TMEM131: variants seen among roughly 807,000 people sequenced by gnomAD.
TMEM131 encodes the protein 2610524E03Rik.
A neutral mutation model predicts 211.6 loss-of-function variants in TMEM131; 66 were observed. The observed-to-expected ratio is 0.31, with a 90% confidence interval of 0.26 to 0.38. The LOEUF (loss-of-function observed/expected upper bound fraction) is 0.38. Ranked by LOEUF, TMEM131 falls within the 10% of genes least tolerant of loss-of-function variation. The pLI is 1.00. For synonymous variants in TMEM131, 844 were observed against 841.3 expected, an observed-to-expected ratio of 1.00 and a Z score of -0.06; for missense variants, 2,036 against 2,299.3, an observed-to-expected ratio of 0.89 and a Z score of 2.34.
chr2:97,829,485 T>C (rs1229752690), intron 11 of TMEM131, among the ~76,000 whole-genome samples: 1 of 152,164 alleles, frequency 6.6e-6, no homozygotes, highest in Non-Finnish European at 1.5e-5. Flanking sequence ...TAAAGGATTG[T>C]AAATGCAACA....
In TMEM131 at chr2:97,811,186, G is replaced by T; in HGVS notation, c.1910C>A (p.Thr637Asn). Residue 637 changes from threonine (T) to asparagine (N), a missense_variant, in exon 18 of 41, where the codon ACT (threonine) becomes AAT (asparagine). Physicochemically the swap from Thr to Asn is moderately conservative, Grantham distance 65. Transcript: ENST00000186436. ...GYFAVFRVKLTAKKLEGIHDG... is the reference protein window; with the variant it reads ...GYFAVFRVKLNAKKLEGIHDG... ...ATGAATCCCCTCTAATTTTTTTGCA[G>T]TAAGTTTGACTCTGAAGACTGCAAA... is the stretch of plus-strand genomic sequence containing the variant. 1.2e-6 allele frequency: 2 copies of T among 1,613,676 alleles called. No individual in the cohort carries two copies. The highest frequency in any genetic ancestry group is 3.3e-4 in the Middle Eastern group (2 of 6,060).
At chr2:97,939,834 T>G (rs1032396069) in intron 1 of TMEM131, among the ~76,000 whole-genome samples, 2 of 152,180 alleles carry the variant, frequency 1.3e-5, no homozygotes, top group Non-Finnish European at 2.9e-5. Context: ...AAGATCAAGT[T>G]GGCTTCATCC....
intron 5 of TMEM131, among the ~76,000 whole-genome samples, chr2:97,851,969 C>A (rs1673642307): frequency 6.6e-6 from 1 of 152,118 alleles, no homozygotes; most frequent in South Asian, 2.1e-4. Context: ...ATGCTCAAAG[C>A]CAAGAGAGGC....
rs182365879 is a variant in TMEM131, at chr2:97,949,586, G to A, written c.188-22099C>T. Among the ~76,000 whole-genome samples, 16 of 151,972 alleles carry A rather than the reference G, an allele frequency of 1.1e-4. No homozygotes were observed. In the East Asian group the frequency reaches 1.2e-3, roughly 11 times the overall value. The stretch of plus-strand genomic sequence containing the variant: ...TCCCAGCACTTTGGGAGGCCGAGGC[G>A]GGTGGATCACAAGGTCAGGAGATCG... On this transcript the variant is annotated intron_variant, in intron 1 of 40. Coordinates refer to ENST00000186436, the MANE Select transcript of TMEM131 (RefSeq NM_015348.2).
intron 7 of TMEM131, among the ~76,000 whole-genome samples, chr2:97,840,722 A>G (rs754943192): frequency 5.9e-5 from 9 of 152,228 alleles, no homozygotes; most frequent in Non-Finnish European, 1.2e-4. Flanking sequence ...GATGGTGAGG[A>G]TAAGAGGGAA....
intron 19 of TMEM131, among the ~76,000 whole-genome samples, chr2:97,806,372 G>A (rs890185177): frequency 6.6e-6 from 1 of 152,074 alleles, no homozygotes; most frequent in African/African-American, 2.4e-5. Context: ...CCCTGTTCCT[G>A]CTAAAAATAC....
intron 3 of TMEM131, among the ~76,000 whole-genome samples, chr2:97,892,516 A>G (rs1012933056): frequency 2.0e-5 from 3 of 152,104 alleles, no homozygotes; most frequent in Non-Finnish European, 4.4e-5. Flanking sequence ...ACACACCACC[A>G]CAACTAGCTA....
At chr2:97,805,783 C>T (rs1681267216) in intron 19 of TMEM131, 80 bp from the exon 20 acceptor site, 1 of 1,302,982 alleles carries the variant, frequency 7.7e-7, no homozygotes, top group South Asian at 1.7e-5. Context: ...AGTAGACAAG[C>T]ATACTTCTAG....
Position 97,757,108 on chromosome 2 carries a change from G to C in TMEM131, c.5643C>G (p.His1881Gln). 1 of 1,592,524 alleles carries C rather than the reference G, an allele frequency of 6.3e-7. No individual in the cohort carries two copies. The highest frequency in any genetic ancestry group is 8.6e-7 in the Non-Finnish European group (1 of 1,166,302). ...SDPWSNSHFPHEN is the reference protein window; with the variant it reads ...SDPWSNSHFPQEN ...TTGTTTTTTGCTTAATTTAATTCTC[G>C]TGAGGAAAGTGCGAATTAGACCAAG... The change falls in exon 41 of 41, where the codon CAC becomes CAG. Residue 1881 changes from histidine to glutamine, a missense_variant. This residue lies in a region of TMEM131 where 1,623 missense variants were observed against 1,805.9 expected (regional missense o/e 0.90). Transcript: ENST00000186436.
chr2:97,847,895 A>T (rs945662233), intron 5 of TMEM131, among the ~76,000 whole-genome samples: 3 of 152,078 alleles, frequency 2.0e-5, no homozygotes, highest in Non-Finnish European at 4.4e-5. Context: ...AGAACATTAT[A>T]AAAAAAACTC....
rs964290528 is a variant in TMEM131 at position 97,766,157 on chromosome 2, A to C, written c.4680T>G (p.Pro1560=). The C allele has an allele frequency of 6.2e-7, 1 of 1,613,882 alleles. No homozygotes were observed. The highest frequency in any genetic ancestry group is 1.3e-5 in the African/African-American group (1 of 74,932). The change falls in exon 35 of 41, where the codon CCT becomes CCG. Residue 1560 remains proline, a synonymous_variant. Coordinates refer to ENST00000186436, the MANE Select transcript of TMEM131 (RefSeq NM_015348.2). ...TSSSEGEKDS[P]PPEWDSVPVH... is the part of the protein sequence containing the mutation. Reference sequence around the variant, plus strand: ...CTGGAACGGAATCCCACTCCGGTGGAGGAGAGTCTTTTTCACCCTCTGAGC... The same window carrying C: ...CTGGAACGGAATCCCACTCCGGTGGCGGAGAGTCTTTTTCACCCTCTGAGC...
chr2:97,825,358 T>C (rs1682328746), intron 11 of TMEM131, among the ~76,000 whole-genome samples: 1 of 152,226 alleles, frequency 6.6e-6, no homozygotes, highest in African/African-American at 2.4e-5. Flanking sequence ...AGGTCAAATA[T>C]CTAGGCCTAA....
rs1370015599 is a variant in TMEM131, at chr2:97,814,895, A to T, written c.1292+304T>A. Among the ~76,000 whole-genome samples, 2 of 152,208 alleles carry T rather than the reference A, an allele frequency of 1.3e-5. 1 individual carries two copies. Among genetic ancestry groups the T allele is most frequent in the East Asian group, 3.8e-4 (2 of 5,202 alleles). On this transcript the variant is annotated intron_variant, in intron 13 of 40. Coordinates refer to ENST00000186436, the MANE Select transcript of TMEM131 (RefSeq NM_015348.2). ...TAGGCCACAATCACTTACATATTACAAACAAATGTCAGAAAGGAAATGGTT... is the reference window on the plus strand; with the variant it reads ...TAGGCCACAATCACTTACATATTACTAACAAATGTCAGAAAGGAAATGGTT...
Position 97,953,510 on chromosome 2 carries a change from C to T in TMEM131, c.188-26023G>A, listed in dbSNP as rs529101410. Among the ~76,000 whole-genome samples the T allele has an allele frequency of 1.4e-3, 218 of 152,184 alleles. 2 individuals carry two copies. The highest frequency in any genetic ancestry group is 4.9e-3 in the African/African-American group (205 of 41,534). On this transcript the variant is annotated intron_variant, in intron 1 of 40. Transcript: ENST00000186436. Reference sequence around the variant, plus strand: ...AAAATACTGCTCCTAAAAGTAAATGCACCAAACAACAGAGTTGCAAAATAA... The same window carrying T: ...AAAATACTGCTCCTAAAAGTAAATGTACCAAACAACAGAGTTGCAAAATAA...
At chr2:97,859,228 C>G in intron 5 of TMEM131, 76 bp downstream of exon 5, 1 of 1,434,092 alleles carries the variant, frequency 7.0e-7, no homozygotes, top group Non-Finnish European at 9.4e-7. Flanking sequence ...CTAATCACAG[C>G]AAGTTATTAA....
intron 8 of TMEM131, among the ~76,000 whole-genome samples, 195 bp from the exon 9 acceptor site, chr2:97,835,120 T>G (rs1228355298): frequency 6.6e-6 from 1 of 152,208 alleles, no homozygotes; most frequent in Non-Finnish European, 1.5e-5. Flanking sequence ...AAAAATGTGC[T>G]GTTTAGAATT....
In TMEM131 at chr2:97,852,886, T is replaced by C. The variant is rs185688911; in HGVS notation, c.483+6418A>G. Among the ~76,000 whole-genome samples the C allele has an allele frequency of 5.3e-4, 80 of 152,356 alleles. 1 individual carries two copies. The highest frequency in any genetic ancestry group is 1.8e-3 in the African/African-American group (76 of 41,598). On this transcript the variant is annotated intron_variant, in intron 5 of 40. Coordinates refer to ENST00000186436, the MANE Select transcript of TMEM131 (RefSeq NM_015348.2). ...TGCTCATCTGCCATTCTGAAAATTC[T>C]AGAGACCTTAAGAACTGTGCTAAAT...
At chr2:97,805,235 T>G (rs1681241257) in intron 21 of TMEM131, 30 bp from the exon 22 acceptor site, 1 of 1,594,860 alleles carries the variant, frequency 6.3e-7, no homozygotes, top group African/African-American at 1.3e-5. Context: ...TTAACCTGCA[T>G]CTATACTCAC....
intron 5 of TMEM131, among the ~76,000 whole-genome samples, chr2:97,848,099 G>C (rs1683531812): frequency 6.6e-6 from 1 of 152,174 alleles, no homozygotes; most frequent in African/African-American, 2.4e-5. Flanking sequence ...AGGTATTTCA[G>C]AGTCTATTAG....
Sources: gnomAD v4.1 joint callset for allele counts (sites outside exome capture counted in the v4.1 genomes callset) on GRCh38, gnomAD v4.1.1 for gene constraint, gnomAD v4.1.1 regional missense constraint, MANE v1.5 for transcripts, NCBI Gene and HGNC (gene_info 2026-07-23, HGNC 2026-07-21) for gene names.